MAP3K19: variants seen among roughly 807,000 people sequenced by gnomAD.
MAP3K19 encodes mitogen-activated protein kinase kinase kinase 19, also known as SPS1/STE20-related protein kinase YSK4.
A neutral mutation model predicts 114.4 loss-of-function variants in MAP3K19; 91 were observed. The observed-to-expected ratio is 0.80, with a 90% CI of 0.67 to 0.95. The LOEUF is 0.95. Ranked by LOEUF, MAP3K19 falls within the 40% of genes least tolerant of loss-of-function variation. The pLI is 0.00. For synonymous variants in MAP3K19, 518 were observed against 530.5 expected, an observed-to-expected ratio of 0.98 and a Z score of 0.32; for missense variants, 1,471 against 1,573.2, an observed-to-expected ratio of 0.94 and a Z score of 1.10.
chr2:135,005,307 T>TG, intron 6 of MAP3K19, 128 bp downstream of exon 6: 1 of 670,830 alleles, frequency 1.5e-6, no homozygotes, highest in Non-Finnish European at 2.6e-6. Context: ...CCTCCTCCAC[T>TG]CCCTCTACCC....
At chr2:135,011,410 C>G (rs12105438) in intron 5 of MAP3K19, among the ~76,000 whole-genome samples, 20,727 of 151,346 alleles carry the variant, frequency 0.14, 2,542 homozygotes, top group African/African-American at 0.33. Flanking sequence ...AGTGGCGGGC[C>G]CCTGCAGTCC....
rs999446079 is a variant in MAP3K19, at chr2:135,026,645, T to TA, written c.-94-1905dup. ...GAGATTGCTTATTAACCCTCTTATT[T>TA]AAAAAAAAAGTGCATTGTTTATCTC... On this transcript the variant is annotated intron_variant, in intron 3 of 12. Transcript: ENST00000392915. Among the ~76,000 whole-genome samples the TA allele has an allele frequency of 2.6e-4, 40 of 151,410 alleles. 1 individual carries two copies. The highest frequency in any genetic ancestry group is 3.4e-4 in the African/African-American group (14 of 41,256).
At chr2:134,977,056 A>AG (rs1479504233) in intron 12 of MAP3K19, among the ~76,000 whole-genome samples, 1 of 151,524 alleles carries the variant, frequency 6.6e-6, no homozygotes, top group Non-Finnish European at 1.5e-5. Flanking sequence ...GGAAAAAAAA[A>AG]AAAAAAAAAA....
intron 10 of MAP3K19, 42 bp from the exon 11 acceptor site, chr2:134,983,867 G>A: frequency 7.1e-7 from 1 of 1,416,298 alleles, no homozygotes; most frequent in Non-Finnish European, 9.5e-7. Flanking sequence ...ATTAAACCAA[G>A]TCACTGGGAT....
chr2:135,023,824 AG>A (rs1688141692), intron 4 of MAP3K19, among the ~76,000 whole-genome samples: 1 of 152,194 alleles, frequency 6.6e-6, no homozygotes, highest in African/African-American at 2.4e-5. Context: ...CCAACACGAT[AG>A]GAACAGGTTA....
chr2:135,043,948 T>C (rs768324984), intron 1 of MAP3K19, among the ~76,000 whole-genome samples: 1 of 152,252 alleles, frequency 6.6e-6, no homozygotes, highest in South Asian at 2.1e-4. Context: ...CTGTTACTCC[T>C]TTTGATTTAA....
chr2:135,035,634 AC>A (rs2104792698), intron 2 of MAP3K19, among the ~76,000 whole-genome samples: 1 of 152,312 alleles, frequency 6.6e-6, no homozygotes, highest in South Asian at 2.1e-4. Flanking sequence ...ATACAAAAAA[AC>A]ATGGAAGTGG....
intron 2 of MAP3K19, among the ~76,000 whole-genome samples, chr2:135,039,726 C>T (rs945409905): frequency 6.6e-6 from 1 of 152,228 alleles, no homozygotes; most frequent in African/African-American, 2.4e-5. Flanking sequence ...TTTGCTGCCT[C>T]TCCCCAACTC....
intron 8 of MAP3K19, among the ~76,000 whole-genome samples, chr2:134,993,253 G>A (rs1290614942): frequency 6.6e-6 from 1 of 152,124 alleles, no homozygotes; most frequent in African/African-American, 2.4e-5. Flanking sequence ...CTGTCATTCT[G>A]AAGTTTCACA....
chr2:134,994,086 AT>A, intron 8 of MAP3K19, among the ~76,000 whole-genome samples: 1 of 152,224 alleles, frequency 6.6e-6, no homozygotes, highest in Admixed American at 6.5e-5. Flanking sequence ...CTTTTCTCCA[AT>A]CCCTCCACAA....
At chr2:135,011,085 G>T (rs1043668135) in intron 5 of MAP3K19, among the ~76,000 whole-genome samples, 1 of 152,056 alleles carries the variant, frequency 6.6e-6, no homozygotes, top group African/African-American at 2.4e-5. Flanking sequence ...AGAAAACAAA[G>T]CTTTCATTTA....
At chr2:135,031,159 A>T (rs540313466) in intron 2 of MAP3K19, among the ~76,000 whole-genome samples, 22 of 78,506 alleles carry the variant, frequency 2.8e-4, no homozygotes, top group Middle Eastern at 6.1e-3. Flanking sequence ...AGACATATTT[A>T]AAAAAAAAAA....
In MAP3K19 at chr2:135,043,519, C is replaced by T. The variant is rs1220878262; in HGVS notation, c.-423-3017G>A. On this transcript the variant is annotated intron_variant, in intron 1 of 12. Transcript: ENST00000392915. The stretch of plus-strand genomic sequence containing the variant: ...AATTGGGCAGAAAGTACAGAATATT[C>T]CCTCTCCACTGCCCCCTACTGGCCT... Among the ~76,000 whole-genome samples, 3 of 152,142 alleles carry T rather than the reference C, an allele frequency of 2.0e-5. No homozygotes were observed. The East Asian group carries it at 5.8e-4, about 29-fold the overall frequency.
At chr2:135,029,759 T>C (rs1353010908) in intron 3 of MAP3K19, among the ~76,000 whole-genome samples, 1 of 152,224 alleles carries the variant, frequency 6.6e-6, no homozygotes, top group African/African-American at 2.4e-5. Context: ...ATGTCCTTGG[T>C]TATGCATATG....
At chr2:135,046,676 A>C (rs1237810418) in intron 1 of MAP3K19, among the ~76,000 whole-genome samples, 1 of 152,174 alleles carries the variant, frequency 6.6e-6, no homozygotes, top group Non-Finnish European at 1.5e-5. Flanking sequence ...TTTTATTTTT[A>C]ATTGCATGCA....
chr2:134,983,602 G>A (rs1684862178), intron 11 of MAP3K19, 74 bp downstream of exon 11: 3 of 1,035,612 alleles, frequency 2.9e-6, no homozygotes, highest in Non-Finnish European at 4.2e-6. Context: ...GGATGACTGG[G>A]GGAGTGGGAG....
intron 11 of MAP3K19, among the ~76,000 whole-genome samples, chr2:134,982,985 G>A (rs1684809634): frequency 6.6e-6 from 1 of 152,178 alleles, no homozygotes; most frequent in Admixed American, 6.5e-5. Context: ...TACATGCATA[G>A]AATGTGTAAT....
chr2:134,998,712 A>T (rs1686206317), intron 8 of MAP3K19, 26 bp downstream of exon 8: 1 of 1,578,062 alleles, frequency 6.3e-7, no homozygotes, highest in South Asian at 1.2e-5. Flanking sequence ...AAAAGGACTC[A>T]CTGTGGAATT....
chr2:135,016,746 A>G (rs1009063301), intron 5 of MAP3K19, among the ~76,000 whole-genome samples: 7 of 152,222 alleles, frequency 4.6e-5, no homozygotes, highest in African/African-American at 9.6e-5. Flanking sequence ...AGCTCCATAT[A>G]TTTGTAGCTT....
Sources: allele counts gnomAD v4.1 joint callset (sites outside exome capture counted in the v4.1 genomes callset), GRCh38; gene constraint gnomAD v4.1.1; transcripts MANE v1.5; gene names NCBI Gene and HGNC (gene_info 2026-07-23, HGNC 2026-07-21).